Variants in ETV4 observed in about 807,000 individuals in gnomAD.
ETV4 encodes ETS translocation variant 4.
ETV4 carries 42 observed loss-of-function variants against 65.9 expected under a neutral mutation model. That is an observed-to-expected ratio of 0.64 (90% CI 0.50 to 0.82). ETV4 has a LOEUF of 0.82. Ranked by LOEUF, ETV4 falls within the 40% of genes least tolerant of loss-of-function variation. ETV4 has a pLI of 0.00. For synonymous variants in ETV4, 238 were observed against 260.0 expected (o/e 0.92, Z 0.81); for missense variants, 583 against 630.3 (o/e 0.92, Z 0.80).
In ETV4 at chr17:43,529,184, T is replaced by C. The variant is rs754622555; in HGVS notation, c.1181A>G (p.Lys394Arg). The C allele has an allele frequency of 6.2e-7, 1 of 1,613,948 alleles. No individual in the cohort carries two copies. Among genetic ancestry groups the C allele is most frequent in the East Asian group, 2.2e-5 (1 of 44,848 alleles). Reference sequence around the variant, plus strand: ...ATAGTATCGGAGCGAGCGGCTCAGCTTGTCGTAATTCATGGCTGGCCGGTT... The same window carrying C: ...ATAGTATCGGAGCGAGCGGCTCAGCCTGTCGTAATTCATGGCTGGCCGGTT... ...QKNRPAMNYDKLSRSLRYYYE... is the reference protein window; with the variant it reads ...QKNRPAMNYDRLSRSLRYYYE... The change falls in exon 12 of 13, where the codon AAG becomes AGG. Residue 394 changes from lysine to arginine, a missense_variant. Transcript: ENST00000319349.
intron 4 of ETV4, among the ~76,000 whole-genome samples, chr17:43,543,190 T>G (rs796538392): frequency 9.5e-5 from 8 of 83,990 alleles, no homozygotes; most frequent in African/African-American, 3.7e-4. Context: ...CCCACCCCCC[T>G]CACCTCCGCC....
chr17:43,534,675 C>G (rs898560796), intron 5 of ETV4, among the ~76,000 whole-genome samples: 1 of 152,100 alleles, frequency 6.6e-6, no homozygotes, highest in Non-Finnish European at 1.5e-5. Flanking sequence ...CGCGGTGGCT[C>G]ACGCCTGTAA....
chr17:43,539,749 C>A (rs780163176), intron 4 of ETV4, among the ~76,000 whole-genome samples: 12 of 152,164 alleles, frequency 7.9e-5, no homozygotes, highest in Non-Finnish European at 1.6e-4. Context: ...ACACACAAGG[C>A]AACACTAGAG....
rs575297990 is a variant in ETV4 at position 43,545,810 on chromosome 17, G to A, written c.-51-142C>T. 1.1e-4 allele frequency: 69 copies of A among 608,298 alleles called. No individual in the cohort carries two copies. In the Admixed American group the frequency reaches 1.6e-3, roughly 14 times the overall value. The allele number at this position is 608,298 out of a possible 1,614,324, so 37.7% of individuals were successfully genotyped here. A position where few individuals can be genotyped will look rare whatever the true frequency, so the allele number is the denominator to read the frequency against. On this transcript the variant is annotated intron_variant, in intron 1 of 12. Transcript: ENST00000319349. ...CGATGGCGAGGTTTCCGCCTGCCAG[G>A]CCGAGCGCCACCACCACTCCCCTCC...
intron 4 of ETV4, among the ~76,000 whole-genome samples, chr17:43,540,767 A>G (rs1185421606): frequency 1.3e-5 from 2 of 152,158 alleles, no homozygotes; most frequent in African/African-American, 4.8e-5. Flanking sequence ...CCTCTGGTCC[A>G]TTCAGAGGCA....
chr17:43,536,499 G>A lies in ETV4; in HGVS notation c.203-20C>T, dbSNP rs1567712316. On this transcript the variant is annotated intron_variant, in intron 4 of 12. Transcript: ENST00000319349. ...CCTGAGCTGCAGAGAGAAGTCAGAG[G>A]TGAGTTTGGGGCGGAGCCCTGGTTG... 1 of 1,613,898 alleles carries A rather than the reference G, an allele frequency of 6.2e-7. No homozygotes were observed. The highest frequency in any genetic ancestry group is 1.1e-5 in the South Asian group (1 of 91,076).
Position 43,528,065 on chromosome 17 carries a change from GAC to G in ETV4, c.*452_*453del. ...AGAGCACCAAGAACTGACAAACCGG[GAC>G]CCTCCAGGGCCACAGCGTGGGGCAG... is the stretch of plus-strand genomic sequence containing the variant. On this transcript the variant is annotated 3_prime_UTR_variant, in exon 13 of 13. Transcript: ENST00000319349. 4.3e-6 allele frequency: 1 copy of G among 235,194 alleles called. No homozygotes were observed. Among genetic ancestry groups the G allele is most frequent in the Non-Finnish European group, 8.4e-6 (1 of 119,320 alleles). 14.6% of individuals were successfully genotyped at this position (235,194 alleles called of 1,614,324 possible).
At chr17:43,530,981 G>A (rs1217268615) in intron 8 of ETV4, among the ~76,000 whole-genome samples, 2 of 152,120 alleles carry the variant, frequency 1.3e-5, no homozygotes, top group African/African-American at 4.8e-5. Flanking sequence ...GAGTTCAAGG[G>A]CATGTAACAC....
chr17:43,541,309 C>G (rs12603189), intron 4 of ETV4, among the ~76,000 whole-genome samples: 48,067 of 152,146 alleles, frequency 0.32, 7,750 homozygotes, highest in Middle Eastern at 0.34. Flanking sequence ...TACCATGTTT[C>G]GTCTTAAGTG....
At chr17:43,545,194 CGTGTGTGTGTGTGTGTGT>C (rs34640745) in intron 3 of ETV4, 62 bp downstream of exon 3, 51 of 636,824 alleles carry the variant, frequency 8.0e-5, no homozygotes, top group African/African-American at 8.8e-5. Context: ...CAGAATCGGC[CGTGTGTGTGTGTGTGTGT>C]GTGTGTGTGT....
chr17:43,527,912 C>G lies in ETV4; in HGVS notation c.*607G>C, dbSNP rs2154587001. ...TGGAGGTGGAAGTACAAACCCAGGC[C>G]TGGGCCTAGGAAAGGGCAGAAGAAA... On this transcript the variant is annotated 3_prime_UTR_variant, in exon 13 of 13. Coordinates refer to ENST00000319349, the MANE Select transcript of ETV4 (RefSeq NM_001079675.5). 2 of 233,106 alleles carry G rather than the reference C, an allele frequency of 8.6e-6. No homozygotes were observed. Among genetic ancestry groups the G allele is most frequent in the South Asian group, 1.8e-4 (1 of 5,526 alleles). The allele number at this position is 233,106 out of a possible 1,614,324, so 14.4% of individuals were successfully genotyped here.
rs1479582225 is a variant in ETV4 at position 43,533,997 on chromosome 17, G to T, written c.257-12C>A. Reference sequence around the variant, plus strand: ...GCTGTGGAAAGCTACTGTGGGGGTGGAGGGGACAGAGCAAGGCCAGAGCCT... The same window carrying T: ...GCTGTGGAAAGCTACTGTGGGGGTGTAGGGGACAGAGCAAGGCCAGAGCCT... On this transcript the variant is annotated splice_polypyrimidine_tract_variant and intron_variant, in intron 5 of 12. Transcript: ENST00000319349. The T allele has an allele frequency of 6.6e-7, 1 of 1,520,766 alleles. No individual in the cohort carries two copies. The allele number at this position is 1,520,766 out of a possible 1,614,324, so 94.2% of individuals were successfully genotyped here.
intron 4 of ETV4, among the ~76,000 whole-genome samples, chr17:43,541,560 T>TG (rs754473211): frequency 4.6e-5 from 7 of 151,754 alleles, no homozygotes; most frequent in Non-Finnish European, 8.8e-5. Context: ...AGGAGGGGCT[T>TG]GGGGGGTCTC....
intron 4 of ETV4, chr17:43,544,079 G>C (rs1316210504): frequency 6.6e-6 from 1 of 152,160 alleles, no homozygotes; most frequent in Non-Finnish European, 1.5e-5. Context: ...TTTTCATAGT[G>C]TTAAAATAAA....
At position 43,536,437 on chromosome 17, in the gene ETV4, T is replaced by C; in HGVS notation, c.245A>G (p.His82Arg). 1 of 1,614,222 alleles carries C rather than the reference T, an allele frequency of 6.2e-7. No homozygotes were observed. The highest frequency in any genetic ancestry group is 8.5e-7 in the Non-Finnish European group (1 of 1,180,034). ...DSDEQFVPDF[H>R]SENLAFHSPT... ...GGACCTCTACTCACGGTTTTCTGAA[T>C]GGAAATCAGGAACAAACTGCTCATC... The change falls in exon 5 of 13, where the codon CAT becomes CGT. Residue 82 changes from histidine (H) to arginine (R), a missense_variant. Transcript: ENST00000319349.
intron 4 of ETV4, among the ~76,000 whole-genome samples, chr17:43,541,927 C>T (rs574376668): frequency 6.6e-6 from 1 of 152,088 alleles, no homozygotes; most frequent in South Asian, 2.1e-4. Flanking sequence ...ACAGACATGC[C>T]GAGGCACCAG....
chr17:43,545,752 G>A (rs1971791116), intron 1 of ETV4, 84 bp from the exon 2 acceptor site: 1 of 723,168 alleles, frequency 1.4e-6, no homozygotes, highest in South Asian at 1.8e-5. Flanking sequence ...AAGGCTCTGG[G>A]TCCGACGGCG....
chr17:43,538,017 C>G (rs904154728), intron 4 of ETV4, among the ~76,000 whole-genome samples: 14 of 151,834 alleles, frequency 9.2e-5, no homozygotes, highest in African/African-American at 3.4e-4. Flanking sequence ...GTAGTCCCAG[C>G]TAATCCTGAG....
rs749592122 is a variant in ETV4, at chr17:43,528,750, G to GGA, written c.1231-9_1231-8dup. The GGA allele has an allele frequency of 1.2e-5, 19 of 1,612,452 alleles. No individual in the cohort carries two copies. The highest frequency in any genetic ancestry group is 1.6e-5 in the Non-Finnish European group (19 of 1,178,772). ...CGTAACGCTCACCAGCCACCTATGG[G>GGA]GAGAGAGAAGGTCTGGTCAGCCTGG... On this transcript the variant is annotated splice_polypyrimidine_tract_variant and splice_region_variant and intron_variant, in intron 12 of 12. Transcript: ENST00000319349.
Sources: allele counts gnomAD v4.1 joint callset (sites outside exome capture counted in the v4.1 genomes callset), GRCh38; gene constraint gnomAD v4.1.1; transcripts MANE v1.5; gene names NCBI Gene and HGNC (gene_info 2026-07-23, HGNC 2026-07-21).